The following CSNK1G1 variants were observed in gnomAD, a reference collection of about 807,000 sequenced individuals.
CSNK1G1 encodes casein kinase 1 gamma 1.
CSNK1G1 carries 22 observed loss-of-function variants against 59.6 expected under a neutral mutation model. That is an observed-to-expected ratio of 0.37 (90% CI 0.26 to 0.53). The LOEUF is 0.53. Among genes scored for constraint, CSNK1G1 ranks in the 20% least tolerant of loss-of-function variants. The pLI is 0.89. For synonymous variants in CSNK1G1, 179 were observed against 177.1 expected, an observed-to-expected ratio of 1.01 and a Z score of -0.08; for missense variants, 384 against 519.5, an observed-to-expected ratio of 0.74 and a Z score of 2.54.
chr15:64,337,483 G>C (rs1376696930), intron 1 of CSNK1G1, among the ~76,000 whole-genome samples: 1 of 152,022 alleles, frequency 6.6e-6, no homozygotes, highest in Non-Finnish European at 1.5e-5. Flanking sequence ...CGAACAGCTA[G>C]GACTACAGGT....
intron 2 of CSNK1G1, among the ~76,000 whole-genome samples, chr15:64,285,554 A>G (rs1388741379): frequency 1.3e-5 from 2 of 152,230 alleles, no homozygotes; most frequent in Non-Finnish European, 2.9e-5. Flanking sequence ...ACCCTCAAAA[A>G]GGACCCTACT....
At chr15:64,256,925 A>G (rs1204205050) in intron 3 of CSNK1G1, among the ~76,000 whole-genome samples, 1 of 152,070 alleles carries the variant, frequency 6.6e-6, no homozygotes, top group Admixed American at 6.6e-5. Context: ...ATGCCTGCCT[A>G]AAATCCTAAA....
At chr15:64,251,915 G>A (rs1167758809) in intron 3 of CSNK1G1, among the ~76,000 whole-genome samples, 1 of 152,108 alleles carries the variant, frequency 6.6e-6, no homozygotes, top group Admixed American at 6.6e-5. Flanking sequence ...ATACCAGAAT[G>A]TATTTCCTGC....
chr15:64,284,588 T>C (rs1442666906), intron 2 of CSNK1G1, among the ~76,000 whole-genome samples: 1 of 152,062 alleles, frequency 6.6e-6, no homozygotes, highest in Non-Finnish European at 1.5e-5. Flanking sequence ...AGTGAAATTT[T>C]TAATTTTTTT....
chr15:64,306,429 CAAT>C (rs1326640641), intron 1 of CSNK1G1, among the ~76,000 whole-genome samples: 1 of 152,078 alleles, frequency 6.6e-6, no homozygotes, highest in Non-Finnish European at 1.5e-5. Flanking sequence ...CAAATTAAAA[CAAT>C]GATACCACTA....
At position 64,192,842 on chromosome 15, in the gene CSNK1G1, A is replaced by T. The variant is rs1463332329; in HGVS notation, c.1107+10240T>A. 5.1e-3 allele frequency among the ~76,000 whole-genome samples: 165 copies of T among 32,428 alleles called. 5 individuals carry two copies. In the East Asian group the frequency reaches 0.12, roughly 23 times the overall value. 21.3% of individuals were successfully genotyped at this position (32,428 alleles called of 152,430 possible). On this transcript the variant is annotated intron_variant, in intron 10 of 11. Coordinates refer to ENST00000303052, the MANE Select transcript of CSNK1G1 (RefSeq NM_022048.5). ...TGAGTGACAGAGTGAGATCTGCCTA[A>T]AAAAAAAAAAAAAAAAAAAAAAAAA... is the stretch of plus-strand genomic sequence containing the variant.
intron 1 of CSNK1G1, among the ~76,000 whole-genome samples, chr15:64,326,938 T>A (rs1318570384): frequency 6.7e-6 from 1 of 149,812 alleles, no homozygotes; most frequent in Non-Finnish European, 1.5e-5. Flanking sequence ...ATCGGGTCAC[T>A]CCCACCCGAA....
chr15:64,214,306 ACAC>A lies in CSNK1G1; in HGVS notation c.445-185_445-183del, dbSNP rs2140264849. On this transcript the variant is annotated intron_variant, in intron 5 of 11. Transcript: ENST00000303052. This position sits in a 1 kb window ranked among gnomAD's most constrained non-coding sequence, Gnocchi z 4.3. Reference sequence around the variant, plus strand: ...AAAAAATATTTTGCTATAAATACGTACACAACAAATATCAAGACTAGGAAAAAA... The same window carrying A: ...AAAAAATATTTTGCTATAAATACGTAAACAAATATCAAGACTAGGAAAAAA... Among the ~76,000 whole-genome samples the A allele has an allele frequency of 6.6e-6, 1 of 152,350 alleles. No homozygotes were observed. Among genetic ancestry groups the A allele is most frequent in the African/African-American group, 2.4e-5 (1 of 41,582 alleles).
At chr15:64,223,083 G>C (rs1226597465) in intron 4 of CSNK1G1, among the ~76,000 whole-genome samples, 1 of 152,142 alleles carries the variant, frequency 6.6e-6, no homozygotes, top group Non-Finnish European at 1.5e-5. Flanking sequence ...CCCCATGCAA[G>C]TTCTACTCTG....
At chr15:64,336,611 A>G (rs1897401076) in intron 1 of CSNK1G1, among the ~76,000 whole-genome samples, 1 of 152,168 alleles carries the variant, frequency 6.6e-6, no homozygotes, top group Non-Finnish European at 1.5e-5. Context: ...AATAACAATA[A>G]TAATTAATTT....
In CSNK1G1 at chr15:64,281,100, C is replaced by T. The variant is rs373314586; in HGVS notation, c.181+19219G>A. On this transcript the variant is annotated intron_variant, in intron 2 of 11. Transcript: ENST00000303052. ...TTTACCGTGTTAGCTAGGATGGTCT[C>T]GATCTCCTGACCTCATGATCCGCCT... Among the ~76,000 whole-genome samples, 48 of 152,186 alleles carry T rather than the reference C, an allele frequency of 3.2e-4. No homozygotes were observed. The East Asian group carries it at 7.9e-3, about 25-fold the overall frequency.
chr15:64,305,695 C>CAAAAA (rs1197333533), intron 1 of CSNK1G1, among the ~76,000 whole-genome samples: 1 of 56,674 alleles, frequency 1.8e-5, no homozygotes, highest in African/African-American at 6.8e-5. Context: ...ACCCTGTCTC[C>CAAAAA]AAAAAAAAAA....
At chr15:64,177,503 C>T (rs2081755369) in intron 11 of CSNK1G1, among the ~76,000 whole-genome samples, 1 of 152,206 alleles carries the variant, frequency 6.6e-6, no homozygotes, top group Non-Finnish European at 1.5e-5. Flanking sequence ...ATGCCCTAAG[C>T]CATGAGCTTC....
In CSNK1G1 at chr15:64,207,553, A is replaced by C; in HGVS notation, c.721T>G (p.Phe241Val). The change falls in exon 7 of 12, where the codon TTC becomes GTC. Residue 241 changes from phenylalanine (F) to valine (V), a missense_variant. This residue lies in a region of CSNK1G1 where 325 missense variants were observed against 440.9 expected (regional missense o/e 0.74). Transcript: ENST00000303052. ...AGGCTGCCTCGAAGGAAATACATGA[A>C]CATATGGCCTAGGGCTTCCAAATCA... ...RDDLEALGHMFMYFLRGSLPW... is the reference protein window; with the variant it reads ...RDDLEALGHMVMYFLRGSLPW... The C allele has an allele frequency of 6.2e-7, 1 of 1,614,102 alleles. No homozygotes were observed.
At chr15:64,201,750 G>GTGTGTGTGTGTGTGTT (rs747607584) in intron 10 of CSNK1G1, among the ~76,000 whole-genome samples, 1 of 106,318 alleles carries the variant, frequency 9.4e-6, no homozygotes, top group African/African-American at 4.2e-5. Context: ...GTGTGTGTGT[G>GTGTGTGTGTGTGTGTT]TTTATATACT....
intron 10 of CSNK1G1, among the ~76,000 whole-genome samples, chr15:64,183,537 C>A (rs2081848659): frequency 6.6e-6 from 1 of 152,124 alleles, no homozygotes; most frequent in Non-Finnish European, 1.5e-5. Context: ...GGATTCTAGG[C>A]CTTGTTCTAC....
chr15:64,165,885 G>T lies in CSNK1G1; in HGVS notation c.*6046C>A. ...TGGGCTACTCTGAGATCACATATCA[G>T]AACCCATTTTCCATTTTCTCCAAAG... On this transcript the variant is annotated 3_prime_UTR_variant, in exon 12 of 12. Transcript: ENST00000303052. 4.0e-6 allele frequency: 2 copies of T among 501,380 alleles called. No individual in the cohort carries two copies. Among genetic ancestry groups the T allele is most frequent in the South Asian group, 6.6e-5 (2 of 30,398 alleles). 31.1% of individuals were successfully genotyped at this position (501,380 alleles called of 1,614,324 possible). A position where few individuals can be genotyped will look rare whatever the true frequency, so the allele number is the denominator to read the frequency against.
chr15:64,218,129 A>G (rs1259016126), intron 4 of CSNK1G1, among the ~76,000 whole-genome samples: 2 of 151,920 alleles, frequency 1.3e-5, no homozygotes, highest in Non-Finnish European at 1.5e-5. Flanking sequence ...TTGATTTTTT[A>G]TAGAGATGGG....
chr15:64,219,602 G>C (rs1182083467), intron 4 of CSNK1G1, among the ~76,000 whole-genome samples: 1 of 151,952 alleles, frequency 6.6e-6, no homozygotes, highest in African/African-American at 2.4e-5. Flanking sequence ...GGGAGCACAG[G>C]CACATGACAC....
Sources: gnomAD v4.1 joint callset for allele counts (sites outside exome capture counted in the v4.1 genomes callset) on GRCh38, gnomAD v4.1.1 for gene constraint, gnomAD v4.1.1 regional missense constraint, Gnocchi (gnomAD v3.1) non-coding constraint, MANE v1.5 for transcripts, NCBI Gene and HGNC (gene_info 2026-07-23, HGNC 2026-07-21) for gene names.